SELENOI: variants seen among roughly 807,000 people sequenced by gnomAD.
The protein encoded by SELENOI is ethanolaminephosphotransferase 1.
A neutral mutation model predicts 50.7 loss-of-function variants in SELENOI; 24 were observed. That is an observed-to-expected ratio of 0.47 (90% CI 0.34 to 0.67). SELENOI has a LOEUF of 0.67. Among genes scored for constraint, SELENOI ranks in the 30% least tolerant of loss-of-function variants. The pLI is 0.01. For synonymous variants in SELENOI, 155 were observed against 170.2 expected, an observed-to-expected ratio of 0.91 and a Z score of 0.70; for missense variants, 352 against 461.4, an observed-to-expected ratio of 0.76 and a Z score of 2.17.
chr2:26,369,664 ATTCT>A (rs1435842517), intron 4 of SELENOI, among the ~76,000 whole-genome samples: 2 of 152,114 alleles, frequency 1.3e-5, no homozygotes, highest in African/African-American at 4.8e-5. Context: ...CATTGCTTTC[ATTCT>A]TGTGATTTCT....
At chr2:26,351,051 G>GTTGTTTTTTTTTTTT (rs1558409882) in intron 1 of SELENOI, among the ~76,000 whole-genome samples, 1 of 102,076 alleles carries the variant, frequency 9.8e-6, no homozygotes, top group African/African-American at 5.6e-5. Flanking sequence ...TTCACTGTTT[G>GTTGTTTTTTTTTTTT]TTTGTTTTTT....
intron 2 of SELENOI, 49 bp downstream of exon 2, chr2:26,364,419 A>AT (rs1677245603): frequency 8.4e-7 from 1 of 1,196,006 alleles, no homozygotes; most frequent in Non-Finnish European, 1.2e-6. Flanking sequence ...AGTTTTAAAG[A>AT]TTTTAACCTA....
chr2:26,370,137 T>G (rs1404379053), intron 4 of SELENOI, among the ~76,000 whole-genome samples: 4 of 151,184 alleles, frequency 2.6e-5, no homozygotes, highest in Non-Finnish European at 5.9e-5. Flanking sequence ...TAACTCTGAG[T>G]GGACACAGCA....
At chr2:26,371,154 C>G (rs867870079) in intron 4 of SELENOI, among the ~76,000 whole-genome samples, 86 of 149,582 alleles carry the variant, frequency 5.7e-4, no homozygotes, top group African/African-American at 1.9e-3. Context: ...TGGCGGGGGG[C>G]TGACCCCTCC....
At chr2:26,373,277 T>A in intron 4 of SELENOI, 90 bp from the exon 5 acceptor site, 1 of 1,424,306 alleles carries the variant, frequency 7.0e-7, no homozygotes. Context: ...TAAGCTGATT[T>A]GTTTTGTTTT....
At chr2:26,359,651 G>A (rs1558412873) in intron 1 of SELENOI, among the ~76,000 whole-genome samples, 1 of 152,032 alleles carries the variant, frequency 6.6e-6, no homozygotes, top group Admixed American at 6.6e-5. Context: ...TCAAAAAAAA[G>A]AAAAATTAGA....
At chr2:26,374,907 A>G (rs981054145) in intron 5 of SELENOI, 133 bp from the exon 6 acceptor site, 32 of 615,372 alleles carry the variant, frequency 5.2e-5, no homozygotes, top group Non-Finnish European at 8.7e-5. Context: ...GACTTGCCAC[A>G]TACCAAATAT....
At position 26,346,170 on chromosome 2, in the gene SELENOI, T is replaced by C. The variant is rs768073459; in HGVS notation, c.-63T>C. 1 of 1,612,018 alleles carries C rather than the reference T, an allele frequency of 6.2e-7. No homozygotes were observed. Among genetic ancestry groups the C allele is most frequent in the Non-Finnish European group, 8.5e-7 (1 of 1,179,058 alleles). On this transcript the variant is annotated 5_prime_UTR_variant, in exon 1 of 10. Coordinates refer to ENST00000260585, the MANE Select transcript of SELENOI (RefSeq NM_033505.4). ...CATCCTTGCCCAGCCGGTGTGGTGC[T>C]TGTGTGTCACAGCCTTGTAGCCGGG...
In SELENOI at chr2:26,366,752, A is replaced by G. The variant is rs573774883; in HGVS notation, c.236-394A>G. The stretch of plus-strand genomic sequence containing the variant: ...GTCTTTTGTTTAGCTAATTAATAGT[A>G]TAGGAAAGGATAAGGTGAAGGCTCA... On this transcript the variant is annotated intron_variant, in intron 3 of 9. Coordinates refer to ENST00000260585, the MANE Select transcript of SELENOI (RefSeq NM_033505.4). Among the ~76,000 whole-genome samples the G allele has an allele frequency of 3.3e-4, 51 of 152,360 alleles. No individual in the cohort carries two copies. The South Asian group carries it at 0.011, about 32-fold the overall frequency.
chr2:26,381,220 T>A (rs1437981829), intron 6 of SELENOI, among the ~76,000 whole-genome samples: 1 of 141,664 alleles, frequency 7.1e-6, no homozygotes, highest in Non-Finnish European at 1.5e-5. Flanking sequence ...TTTTTTTTTT[T>A]TTTTTTTTTA....
rs74947445 is a variant in SELENOI, at chr2:26,383,466, A to G, written c.731+119A>G. The G allele has an allele frequency of 2.9e-3, 1,994 of 693,922 alleles. 23 individuals are homozygous for G. Among genetic ancestry groups the G allele is most frequent in the Admixed American group, 0.026 (907 of 34,460 alleles). 43.0% of individuals were successfully genotyped at this position (693,922 alleles called of 1,614,324 possible). A position where few individuals can be genotyped will look rare whatever the true frequency, so the allele number is the denominator to read the frequency against. ...ACATTTTGAAAAGGTCACAAAACCT[A>G]TATTTTAAATCTTTAATGGGGTAGG... is the stretch of plus-strand genomic sequence containing the variant. On this transcript the variant is annotated intron_variant, in intron 7 of 9. Coordinates refer to ENST00000260585, the MANE Select transcript of SELENOI (RefSeq NM_033505.4).
intron 6 of SELENOI, among the ~76,000 whole-genome samples, chr2:26,376,043 G>A (rs149969629): frequency 2.8e-4 from 42 of 149,146 alleles, no homozygotes; most frequent in South Asian, 2.1e-3. Context: ...AGCTATGATC[G>A]CATGTGCCAC....
chr2:26,373,790 A>G (rs1432026667), intron 5 of SELENOI, among the ~76,000 whole-genome samples, 161 bp downstream of exon 5: 1 of 152,238 alleles, frequency 6.6e-6, no homozygotes, highest in Non-Finnish European at 1.5e-5. Flanking sequence ...ATAGAATAGT[A>G]TAGTGAATAG....
At position 26,390,842 on chromosome 2, in the gene SELENOI, C is replaced by G. The variant is rs891000569; in HGVS notation, c.*1739C>G. ...GTAACTATTTTTTGTATACCTTGTTCTTTGTGATCTATAAAATTAAACTGG... is the reference window on the plus strand; with the variant it reads ...GTAACTATTTTTTGTATACCTTGTTGTTTGTGATCTATAAAATTAAACTGG... On this transcript the variant is annotated 3_prime_UTR_variant, in exon 10 of 10. Transcript: ENST00000260585. 6.6e-6 allele frequency: 1 copy of G among 152,098 alleles called. No individual in the cohort carries two copies. The highest frequency in any genetic ancestry group is 1.5e-5 in the Non-Finnish European group (1 of 68,012). The allele number at this position is 152,098 out of a possible 1,614,324, so 9.4% of individuals were successfully genotyped here.
intron 1 of SELENOI, among the ~76,000 whole-genome samples, chr2:26,358,721 T>C (rs2147947018): frequency 1.3e-5 from 2 of 152,156 alleles, no homozygotes; most frequent in East Asian, 3.9e-4. Context: ...TTTAGCAAGA[T>C]GAAATGTTAA....
intron 1 of SELENOI, among the ~76,000 whole-genome samples, chr2:26,362,937 A>G (rs1368373951): frequency 6.6e-6 from 1 of 152,068 alleles, no homozygotes; most frequent in East Asian, 1.9e-4. Context: ...CTTCTTCCCC[A>G]TACCTAGCAG....
At chr2:26,364,199 C>A (rs545962359) in intron 1 of SELENOI, 103 bp from the exon 2 acceptor site, 2 of 816,586 alleles carry the variant, frequency 2.4e-6, no homozygotes, top group Non-Finnish European at 3.9e-6. Flanking sequence ...TATATGCATG[C>A]GCCACTGCGC....
rs749686403 is a variant in SELENOI at position 26,367,205 on chromosome 2, G to A, written c.295G>A (p.Val99Ile). ...GATTGTAGTGGGCATCCTCAACTTC[G>A]TAGCCTACACTCTAGGTAAGGAATT... ...VWIVVGILNF[V>I]AYTLDGVDGK... The change falls in exon 4 of 10, where the codon GTA (valine) becomes ATA (isoleucine). Residue 99 changes from valine (V) to isoleucine (I), a missense_variant. Coordinates refer to ENST00000260585, the MANE Select transcript of SELENOI (RefSeq NM_033505.4). The A allele has an allele frequency of 2.0e-5, 32 of 1,609,436 alleles. No individual in the cohort carries two copies. Among genetic ancestry groups the A allele is most frequent in the South Asian group, 4.4e-5 (4 of 89,940 alleles).
In SELENOI at chr2:26,392,822, C is replaced by T. The variant is rs1008934865; in HGVS notation, c.*3719C>T. 3.9e-5 allele frequency: 6 copies of T among 152,150 alleles called. No individual in the cohort carries two copies. Among genetic ancestry groups the T allele is most frequent in the Non-Finnish European group, 8.8e-5 (6 of 68,032 alleles). 9.4% of individuals were successfully genotyped at this position (152,150 alleles called of 1,614,324 possible). ...CTATAGAAAATTTGTGAAGTCAGAC[C>T]AGAATTTTCTTTGTCCCATGAGGTG... On this transcript the variant is annotated 3_prime_UTR_variant, in exon 10 of 10. Transcript: ENST00000260585.
Sources: allele counts gnomAD v4.1 joint callset (sites outside exome capture counted in the v4.1 genomes callset), GRCh38; gene constraint gnomAD v4.1.1; transcripts MANE v1.5; gene names NCBI Gene and HGNC (gene_info 2026-07-23, HGNC 2026-07-21).